The following C4orf50 variants were observed in gnomAD, a reference collection of about 807,000 sequenced individuals.
The protein encoded by C4orf50 is chromosome 4 open reading frame 50, also known as uncharacterized protein C4orf50.
C4orf50 carries 80 observed loss-of-function variants against 77.2 expected under a neutral mutation model. The observed-to-expected ratio is 1.04, with a 90% CI of 0.87 to 1.25. C4orf50 has a LOEUF of 1.25. Ranked by LOEUF, C4orf50 falls within the 50% of genes most tolerant of loss-of-function variation. C4orf50 has a pLI of 0.00. For missense variants in C4orf50, 1,257 were observed against 1,152.9 expected (o/e 1.09, Z -1.31); for synonymous variants, 532 against 465.3 (o/e 1.14, Z -1.84).
chr4:5,959,304 G>A lies in C4orf50; in HGVS notation c.*71C>T, dbSNP rs573669703. 2.8e-5 allele frequency: 43 copies of A among 1,510,042 alleles called. No individual in the cohort carries two copies. The South Asian group carries it at 4.6e-4, about 16-fold the overall frequency. The allele number at this position is 1,510,042 out of a possible 1,614,324, so 93.5% of individuals were successfully genotyped here. A position where few individuals can be genotyped will look rare whatever the true frequency, so the allele number is the denominator to read the frequency against. ...CTCTGATTGCTACCAATTTCTTAAAGCACTCTCTGAAGGTTCTGCTTCAAA... is the reference window on the plus strand; with the variant it reads ...CTCTGATTGCTACCAATTTCTTAAAACACTCTCTGAAGGTTCTGCTTCAAA... On this transcript the variant is annotated 3_prime_UTR_variant, in exon 34 of 34. Transcript: ENST00000531445.
Position 6,009,601 on chromosome 4 carries a change from G to T in C4orf50, c.427-1069C>A, listed in dbSNP as rs1380534364. Among the ~76,000 whole-genome samples, 1 of 152,188 alleles carries T rather than the reference G, an allele frequency of 6.6e-6. No homozygotes were observed. Among genetic ancestry groups the T allele is most frequent in the African/African-American group, 2.4e-5 (1 of 41,426 alleles). ...AGGGATTTCAGAGCCTAGATGGTCT[G>T]CCTTTGACAGCTTTCAGAATGACCG... On this transcript the variant is annotated intron_variant, in intron 24 of 33. Coordinates refer to ENST00000531445, the Ensembl canonical transcript of C4orf50. The surrounding 1 kb of genome is among the most constrained non-coding windows in gnomAD (Gnocchi z 5.6).
At chr4:5,986,232 T>C (rs150894926) in intron 28 of C4orf50, among the ~76,000 whole-genome samples, 41 of 152,308 alleles carry the variant, frequency 2.7e-4, no homozygotes, top group Admixed American at 2.0e-4. Context: ...CTGTTGGCCA[T>C]AGACCACAAC....
At chr4:6,004,411 T>G (rs1230549678) in intron 25 of C4orf50, among the ~76,000 whole-genome samples, 1 of 12,860 alleles carries the variant, frequency 7.8e-5, no homozygotes, top group Non-Finnish European at 1.9e-4. Context: ...GATGGAGATG[T>G]TGGTGATGAT....
At chr4:5,959,993 G>A (rs551827232) in intron 33 of C4orf50, among the ~76,000 whole-genome samples, 2 of 152,262 alleles carry the variant, frequency 1.3e-5, no homozygotes, top group Non-Finnish European at 1.5e-5. Context: ...CCTTGAAAGG[G>A]GAAGTCATGT....
intron 28 of C4orf50, among the ~76,000 whole-genome samples, chr4:5,983,884 G>A (rs760323912): frequency 2.6e-5 from 4 of 152,212 alleles, no homozygotes; most frequent in Non-Finnish European, 4.4e-5. Context: ...AATGCCCCTT[G>A]GGTCCTTGGC....
chr4:5,959,391 A>G, exon 34 of C4orf50: 5 of 1,614,022 alleles, frequency 3.1e-6, no homozygotes, highest in South Asian at 2.2e-5. Context: ...TTCTAACTCC[A>G]GCGGTGATTT....
chr4:5,969,458 A>T lies in C4orf50; in HGVS notation c.4105-1996T>A, dbSNP rs1407616525. On this transcript the variant is annotated intron_variant, in intron 31 of 33. Transcript: ENST00000531445. ...CCAGAGGAAAGCAGGAGGTGGCAGG[A>T]GGAGGAAACAGCAGGGCGAGAGGAG... 2.0e-5 allele frequency among the ~76,000 whole-genome samples: 3 copies of T among 150,280 alleles called. No homozygotes were observed. The East Asian group carries it at 5.8e-4, about 29-fold the overall frequency.
chr4:5,977,977 A>G (rs1458876002), intron 29 of C4orf50, among the ~76,000 whole-genome samples: 1 of 152,252 alleles, frequency 6.6e-6, no homozygotes, highest in Non-Finnish European at 1.5e-5. Flanking sequence ...CAACAAAAAG[A>G]GAGTCAATTA....
intron 7 of C4orf50, chr4:5,903,485 A>C (rs763239527): frequency 1.3e-5 from 2 of 152,216 alleles, no homozygotes; most frequent in Non-Finnish European, 2.9e-5. Flanking sequence ...GGAAACTCTG[A>C]CACATGCTGC....
At chr4:6,004,229 ATGGTGATGATGATG>A (rs1722081732) in intron 25 of C4orf50, among the ~76,000 whole-genome samples, 2 of 27,082 alleles carry the variant, frequency 7.4e-5, no homozygotes, top group South Asian at 2.5e-3. Flanking sequence ...TGATGATGTG[ATGGTGATGATGATG>A]GTGATGATGG....
chr4:5,991,605 C>T (rs566188220), intron 27 of C4orf50, among the ~76,000 whole-genome samples: 1 of 152,166 alleles, frequency 6.6e-6, no homozygotes, highest in Non-Finnish European at 1.5e-5. Flanking sequence ...ATGAAATTTG[C>T]CTTGAGCTAG....
intron 25 of C4orf50, among the ~76,000 whole-genome samples, chr4:6,004,116 A>T (rs62643957): frequency 7.7e-5 from 1 of 12,954 alleles, no homozygotes; most frequent in Non-Finnish European, 1.8e-4. Context: ...GATGGTGATG[A>T]TGGTGATAGT....
In C4orf50 at chr4:5,908,968, C is replaced by T. The variant is rs570299490; in HGVS notation, c.*2475-10780G>A. Among the ~76,000 whole-genome samples the T allele has an allele frequency of 6.6e-6, 1 of 152,330 alleles. No individual in the cohort carries two copies. Among genetic ancestry groups the T allele is most frequent in the East Asian group, 1.9e-4 (1 of 5,192 alleles). ...ATTGTCCCAGCCCAGTCCATGACTG[C>T]CTCTTAGCTGGACCACAGAGAGTTT... On this transcript the variant is annotated intron_variant, in intron 7 of 7. Coordinates refer to the C4orf50 transcript ENST00000324058. This position sits in a 1 kb window ranked among gnomAD's most constrained non-coding sequence, Gnocchi z 5.6.
intron 28 of C4orf50, among the ~76,000 whole-genome samples, chr4:5,985,778 G>A (rs1249875358): frequency 1.3e-5 from 2 of 152,086 alleles, no homozygotes; most frequent in South Asian, 2.1e-4. Context: ...GACCAGCCTG[G>A]CCAACATGGT....
intron 25 of C4orf50, among the ~76,000 whole-genome samples, chr4:6,004,128 ATGATGG>A (rs1301272158): frequency 1.2e-3 from 98 of 80,986 alleles, no homozygotes; most frequent in African/African-American, 4.2e-3. Flanking sequence ...GGTGATAGTG[ATGATGG>A]TGATGGTGAT....
At position 6,011,836 on chromosome 4, in the gene C4orf50, G is replaced by A; in HGVS notation, c.420C>T (p.Ala140=). 1 of 399,102 alleles carries A rather than the reference G, an allele frequency of 2.5e-6. No individual in the cohort carries two copies. Among genetic ancestry groups the A allele is most frequent in the Non-Finnish European group, 4.4e-6 (1 of 226,094 alleles). The allele number at this position is 399,102 out of a possible 1,614,324, so 24.7% of individuals were successfully genotyped here. Residue 140 remains alanine (A), a synonymous_variant, in exon 24 of 34, where the codon GCC becomes GCT. Coordinates refer to ENST00000531445, the Ensembl canonical transcript of C4orf50. This position sits in a 1 kb window ranked among gnomAD's most constrained non-coding sequence, Gnocchi z 4.2. ...AAGGAGAAGGAAACGGTACCTGGCTGGCCAGCTCCCCCTGCAGCGCCGCCA... is the reference window on the plus strand; with the variant it reads ...AAGGAGAAGGAAACGGTACCTGGCTAGCCAGCTCCCCCTGCAGCGCCGCCA...
At chr4:5,906,505 G>C (rs1363067715) in intron 7 of C4orf50, among the ~76,000 whole-genome samples, 1 of 152,146 alleles carries the variant, frequency 6.6e-6, no homozygotes, top group Non-Finnish European at 1.5e-5. Context: ...CTTCATGGAT[G>C]CACCAGATTA....
intron 7 of C4orf50, among the ~76,000 whole-genome samples, chr4:5,928,399 C>CACA (rs1446748403): frequency 6.6e-6 from 1 of 151,854 alleles, no homozygotes; most frequent in Non-Finnish European, 1.5e-5. Flanking sequence ...CACACACACA[C>CACA]CCTGAAGATA....
In C4orf50 at chr4:5,986,923, C is replaced by T. The variant is rs1413257114; in HGVS notation, c.3699+1424G>A. ...CATAGTAGATAGGCAGTACATATTCCTTACCTCTAATCCTTAGAAACTATT... is the reference window on the plus strand; with the variant it reads ...CATAGTAGATAGGCAGTACATATTCTTTACCTCTAATCCTTAGAAACTATT... On this transcript the variant is annotated intron_variant, in intron 28 of 33. Transcript: ENST00000531445. Among the ~76,000 whole-genome samples the T allele has an allele frequency of 2.0e-5, 3 of 152,202 alleles. No homozygotes were observed. In the East Asian group the frequency reaches 5.8e-4, roughly 29 times the overall value.
Sources: allele counts gnomAD v4.1 joint callset (sites outside exome capture counted in the v4.1 genomes callset), GRCh38; gene constraint gnomAD v4.1.1; non-coding constraint Gnocchi (gnomAD v3.1); transcripts MANE v1.5; gene names NCBI Gene and HGNC (gene_info 2026-07-23, HGNC 2026-07-21).